Variants in SULF2 observed in about 807,000 individuals in gnomAD.
SULF2 encodes the protein sulfatase 2.
In SULF2, 52 loss-of-function variants were observed where a neutral mutation model predicts 107.7. That is an observed-to-expected ratio of 0.48 (90% CI 0.39 to 0.61). The LOEUF (loss-of-function observed/expected upper bound fraction) is 0.61. Among genes scored for constraint, SULF2 ranks in the 20% least tolerant of loss-of-function variants. The pLI is 0.00. For synonymous variants in SULF2, 460 were observed against 464.3 expected (o/e 0.99, Z 0.12); for missense variants, 993 against 1,177.3 (o/e 0.84, Z 2.29).
At chr20:47,677,538 C>T (rs1703496694) in intron 8 of SULF2, among the ~76,000 whole-genome samples, 1 of 152,152 alleles carries the variant, frequency 6.6e-6, no homozygotes, top group African/African-American at 2.4e-5. Context: ...GCATCAGGCG[C>T]AGTGGTTTGG....
intron 2 of SULF2, among the ~76,000 whole-genome samples, chr20:47,748,269 T>G (rs2090089240): frequency 6.6e-6 from 1 of 152,230 alleles, no homozygotes; most frequent in Admixed American, 6.5e-5. Flanking sequence ...ACAGGGCTCT[T>G]GCACGTGCCG....
At position 47,680,522 on chromosome 20, in the gene SULF2, C is replaced by G. The variant is rs879781752; in HGVS notation, c.1065-1718G>C. On this transcript the variant is annotated intron_variant, in intron 7 of 20. Transcript: ENST00000688720. The surrounding 1 kb of genome is among the most constrained non-coding windows in gnomAD (Gnocchi z 4.2). ...CCGTCAGAGCATCTGAGTGCCTTCC[C>G]CGCTAGTTCCCTGGGGACCAGGGCA... 1.4e-4 allele frequency among the ~76,000 whole-genome samples: 21 copies of G among 152,218 alleles called. No homozygotes were observed. Among genetic ancestry groups the G allele is most frequent in the Non-Finnish European group, 2.5e-4 (17 of 68,036 alleles).
chr20:47,702,437 ACCCAAGTAGTC>A, intron 4 of SULF2, 71 bp downstream of exon 4: 8 of 1,510,526 alleles, frequency 5.3e-6, no homozygotes, highest in Non-Finnish European at 7.1e-6. Flanking sequence ...CACAATCTGA[ACCCAAGTAGTC>A]TGGCTCCTGA....
chr20:47,774,126 C>T (rs975360760), intron 1 of SULF2, among the ~76,000 whole-genome samples: 3 of 152,242 alleles, frequency 2.0e-5, no homozygotes, highest in African/African-American at 4.8e-5. Flanking sequence ...TACCAAATCA[C>T]CTGCTACATT....
intron 2 of SULF2, among the ~76,000 whole-genome samples, chr20:47,746,630 G>A (rs1600637319): frequency 6.6e-6 from 1 of 152,136 alleles, no homozygotes; most frequent in African/African-American, 2.4e-5. Flanking sequence ...GGCACAAACA[G>A]CAGAAATCGG....
intron 3 of SULF2, among the ~76,000 whole-genome samples, chr20:47,727,422 C>T (rs1176161292): frequency 6.6e-6 from 1 of 152,140 alleles, no homozygotes; most frequent in Non-Finnish European, 1.5e-5. Context: ...TCCCCTGAAG[C>T]CTGCAGGGAA....
intron 2 of SULF2, among the ~76,000 whole-genome samples, chr20:47,742,378 T>A (rs1397107364): frequency 6.6e-6 from 1 of 152,196 alleles, no homozygotes; most frequent in Non-Finnish European, 1.5e-5. Flanking sequence ...CCTGGGGACA[T>A]GCAGACAAAA....
At position 47,672,244 on chromosome 20, in the gene SULF2, G is replaced by A; in HGVS notation, c.1530C>T (p.Asp510=). Residue 510 remains aspartate (D), a synonymous_variant, in exon 11 of 21, where the codon GAC becomes GAT. Transcript: ENST00000688720. ...GSEACTCDSG[D]YKLSLAGRRK... ...GGCGTCCGGCCAGGCTGAGCTTGTA[G>A]TCCCCGCTGTCACAGGTGCAGGCCT... is the stretch of plus-strand genomic sequence containing the variant. 2 of 1,613,084 alleles carry A rather than the reference G, an allele frequency of 1.2e-6. No homozygotes were observed. The highest frequency in any genetic ancestry group is 3.3e-5 in the Admixed American group (2 of 60,006).
At position 47,676,474 on chromosome 20, in the gene SULF2, A is replaced by C; in HGVS notation, c.1380+20T>G. 3.1e-6 allele frequency: 5 copies of C among 1,603,262 alleles called. No individual in the cohort carries two copies. The highest frequency in any genetic ancestry group is 4.3e-6 in the Non-Finnish European group (5 of 1,175,938). ...GCAGTCAGGAGGGGGAGCCGTTGGG[A>C]GGGAAGGGAGCCTTCTTACCTGTCC... On this transcript the variant is annotated intron_variant, in intron 10 of 20. Coordinates refer to ENST00000688720, the MANE Select transcript of SULF2 (RefSeq NM_001387048.1).
At chr20:47,696,824 G>A (rs1310558865) in intron 4 of SULF2, among the ~76,000 whole-genome samples, 1 of 152,160 alleles carries the variant, frequency 6.6e-6, no homozygotes, top group Non-Finnish European at 1.5e-5. Flanking sequence ...AAGGCAGACC[G>A]GCCTCATCCT....
At chr20:47,688,725 G>T (rs4810651) in intron 5 of SULF2, among the ~76,000 whole-genome samples, 53 of 151,902 alleles carry the variant, frequency 3.5e-4, no homozygotes, top group Non-Finnish European at 5.7e-4. Flanking sequence ...CCCCTGGGAC[G>T]CAGCTCATCG....
rs2086996345 is a variant in SULF2, at chr20:47,659,457, G to C, written c.2529-5C>G. On this transcript the variant is annotated splice_region_variant and splice_polypyrimidine_tract_variant and intron_variant, in intron 19 of 20. Coordinates refer to ENST00000688720, the MANE Select transcript of SULF2 (RefSeq NM_001387048.1). ...CACTTTCGACGCTGAAACTGCCTAA[G>C]TTTTCAAGTGTCAAAGGAGAATGAA... 3 of 1,613,944 alleles carry C rather than the reference G, an allele frequency of 1.9e-6. No individual in the cohort carries two copies. The highest frequency in any genetic ancestry group is 2.5e-6 in the Non-Finnish European group (3 of 1,179,832).
At chr20:47,663,706 G>A in intron 15 of SULF2, 84 bp from the exon 16 acceptor site, 1 of 1,434,862 alleles carries the variant, frequency 7.0e-7, no homozygotes, top group East Asian at 2.3e-5. Flanking sequence ...CCACCTAAGG[G>A]CTTCGCTGAG....
chr20:47,661,999 G>A (rs1450970681), intron 17 of SULF2, 103 bp from the exon 18 acceptor site: 1 of 1,237,424 alleles, frequency 8.1e-7, no homozygotes, highest in Non-Finnish European at 1.1e-6. Flanking sequence ...GCGGGTGGAA[G>A]GTGCTAGGGG....
intron 1 of SULF2, among the ~76,000 whole-genome samples, chr20:47,764,136 C>G (rs764697320): frequency 4.6e-5 from 7 of 152,192 alleles, no homozygotes; most frequent in Non-Finnish European, 8.8e-5. Context: ...CCCTTCTTCC[C>G]CCTCCTCAGG....
intron 2 of SULF2, among the ~76,000 whole-genome samples, chr20:47,744,220 T>C (rs1160633223): frequency 6.6e-6 from 1 of 152,108 alleles, no homozygotes; most frequent in Non-Finnish European, 1.5e-5. Context: ...TCTCCCTCTG[T>C]CTTTCAGGCT....
chr20:47,757,547 G>A (rs2090323655), intron 1 of SULF2, 84 bp from the exon 2 acceptor site: 2 of 686,278 alleles, frequency 2.9e-6, no homozygotes, highest in Non-Finnish European at 2.3e-6. Context: ...TATGGCGGCT[G>A]GCATGAACAA....
At chr20:47,738,264 G>A (rs889789093) in intron 2 of SULF2, among the ~76,000 whole-genome samples, 1 of 152,230 alleles carries the variant, frequency 6.6e-6, no homozygotes, top group African/African-American at 2.4e-5. Flanking sequence ...TGTGACGAGT[G>A]CATGCTCAAT....
Position 47,665,933 on chromosome 20 carries a change from T to C in SULF2, c.1826A>G (p.Asp609Gly), listed in dbSNP as rs765872094. 1 of 1,613,968 alleles carries C rather than the reference T, an allele frequency of 6.2e-7. No individual in the cohort carries two copies. Among genetic ancestry groups the C allele is most frequent in the African/African-American group, 1.3e-5 (1 of 74,922 alleles). ...CAGGTCCAGGTCACACTGGACTGTG[T>C]CGTTCTCTAGGATGTAGCACCTGCT... ...VTHRCYILEN[D>G]TVQCDLDLYK... Residue 609 changes from aspartate to glycine, a missense_variant, in exon 13 of 21, where the codon GAC becomes GGC. Around this residue, in one of 3 missense-constraint regions of SULF2, gnomAD observed 497 missense variants for 544.1 expected, o/e 0.91. Transcript: ENST00000688720.
Sources: allele counts gnomAD v4.1 joint callset (sites outside exome capture counted in the v4.1 genomes callset), GRCh38; gene constraint gnomAD v4.1.1; regional missense constraint gnomAD v4.1.1; non-coding constraint Gnocchi (gnomAD v3.1); transcripts MANE v1.5; gene names NCBI Gene and HGNC (gene_info 2026-07-23, HGNC 2026-07-21).